Variants in AKAIN1 observed in about 807,000 individuals in gnomAD.
The protein encoded by AKAIN1 is A-kinase anchor inhibitor 1, also known as A-kinase anchor protein inhibitor 1.
Under a neutral mutation model 3.7 loss-of-function variants are expected in AKAIN1, and 3 were observed. The ratio of observed to expected loss-of-function variants is 0.82; its 90% CI spans 0.37 to 2.12. The LOEUF is 2.12. AKAIN1 is among the 30% of genes most tolerant of loss of function. The pLI, the probability that AKAIN1 is intolerant of heterozygous loss-of-function variation, is 0.06. For missense variants in AKAIN1, 82 were observed against 82.7 expected (o/e 0.99, Z 0.03); for synonymous variants, 31 against 30.8 (o/e 1.01, Z -0.02).
At chr18:5,189,767 T>TC (rs2071308997) in intron 1 of AKAIN1, among the ~76,000 whole-genome samples, 1 of 151,532 alleles carries the variant, frequency 6.6e-6, no homozygotes, top group African/African-American at 2.4e-5. Flanking sequence ...TTTTTTTTTT[T>TC]CTGAGCCCCC....
intron 1 of AKAIN1, among the ~76,000 whole-genome samples, chr18:5,176,413 C>T (rs1434661176): frequency 6.6e-6 from 1 of 151,930 alleles, no homozygotes; most frequent in Non-Finnish European, 1.5e-5. Context: ...GCACTCCAGT[C>T]TGGGTGACAG....
intron 1 of AKAIN1, among the ~76,000 whole-genome samples, chr18:5,186,836 G>C (rs60213423): frequency 0.031 from 4,714 of 152,068 alleles, 238 homozygotes; most frequent in African/African-American, 0.11. Context: ...ACAATTGCAA[G>C]TTTATTATCC....
In AKAIN1 at chr18:5,175,501, A is replaced by G. The variant is rs188290583; in HGVS notation, c.16+21537T>C. On this transcript the variant is annotated intron_variant, in intron 1 of 1. Coordinates refer to ENST00000434239, the MANE Select transcript of AKAIN1 (RefSeq NM_001145194.2). Reference sequence around the variant, plus strand: ...CCAACAACTTACACTGAAAACAGTGACATAGAAGGCAAGGGAATGGCAGAG... The same window carrying G: ...CCAACAACTTACACTGAAAACAGTGGCATAGAAGGCAAGGGAATGGCAGAG... Among the ~76,000 whole-genome samples, 158 of 152,282 alleles carry G rather than the reference A, an allele frequency of 1.0e-3. 1 individual carries two copies. Among genetic ancestry groups the G allele is most frequent in the African/African-American group, 3.7e-3 (152 of 41,568 alleles).
In AKAIN1 at chr18:5,143,722, GAC is replaced by G. The variant is rs2071033570; in HGVS notation, c.*1838_*1839del. On this transcript the variant is annotated 3_prime_UTR_variant, in exon 2 of 2. Coordinates refer to ENST00000434239, the MANE Select transcript of AKAIN1 (RefSeq NM_001145194.2). ...GTGTTTTATTTATAAATAACATTTAGACACAGAGGTCAATAAGATGTTCCAAA... is the reference window on the plus strand; with the variant it reads ...GTGTTTTATTTATAAATAACATTTAGACAGAGGTCAATAAGATGTTCCAAA... 6.6e-6 allele frequency among the ~76,000 whole-genome samples: 1 copy of G among 152,122 alleles called. No individual in the cohort carries two copies. Among genetic ancestry groups the G allele is most frequent in the African/African-American group, 2.4e-5 (1 of 41,432 alleles).
intron 1 of AKAIN1, among the ~76,000 whole-genome samples, chr18:5,171,534 G>A (rs749682355): frequency 6.6e-5 from 10 of 152,100 alleles, no homozygotes; most frequent in East Asian, 1.9e-4. Flanking sequence ...CAACAGATCC[G>A]AATAGACAGT....
At chr18:5,151,613 TGATACTGTC>T (rs2071080623) in intron 1 of AKAIN1, among the ~76,000 whole-genome samples, 1 of 152,170 alleles carries the variant, frequency 6.6e-6, no homozygotes, top group Admixed American at 6.5e-5. Context: ...CATATTTGAG[TGATACTGTC>T]TATTACCACC....
intron 1 of AKAIN1, among the ~76,000 whole-genome samples, chr18:5,175,043 G>T (rs2071218459): frequency 6.6e-6 from 1 of 152,138 alleles, no homozygotes; most frequent in African/African-American, 2.4e-5. Context: ...ACACTCAGAG[G>T]CACTCTGTGC....
intron 1 of AKAIN1, among the ~76,000 whole-genome samples, chr18:5,156,702 G>A (rs1310039258): frequency 6.6e-6 from 1 of 152,212 alleles, no homozygotes; most frequent in Non-Finnish European, 1.5e-5. Context: ...AGTTATGTGA[G>A]ACAGTGTATT....
At position 5,187,013 on chromosome 18, in the gene AKAIN1, C is replaced by T. The variant is rs183751110; in HGVS notation, c.16+10025G>A. ...ATGAATGAAAATGAAAATACAACAT[C>T]AAAATTTTTAGAATACTCTAAAGCA... is the stretch of plus-strand genomic sequence containing the variant. On this transcript the variant is annotated intron_variant, in intron 1 of 1. Transcript: ENST00000434239. 1.8e-3 allele frequency among the ~76,000 whole-genome samples: 273 copies of T among 152,108 alleles called. 1 individual carries two copies. Among genetic ancestry groups the T allele is most frequent in the African/African-American group, 6.3e-3 (262 of 41,536 alleles).
intron 1 of AKAIN1, among the ~76,000 whole-genome samples, chr18:5,162,778 C>T (rs1163600778): frequency 1.3e-5 from 2 of 151,730 alleles, no homozygotes; most frequent in African/African-American, 4.8e-5. Context: ...AAAGGGCTCA[C>T]TCAGCCCTGG....
At chr18:5,174,226 C>T (rs1173625458) in intron 1 of AKAIN1, among the ~76,000 whole-genome samples, 1 of 152,116 alleles carries the variant, frequency 6.6e-6, no homozygotes, top group Non-Finnish European at 1.5e-5. Flanking sequence ...CTCTTGAGGG[C>T]TGCCTCTCCC....
intron 1 of AKAIN1, among the ~76,000 whole-genome samples, chr18:5,191,419 A>T (rs1175084572): frequency 6.6e-6 from 1 of 152,180 alleles, no homozygotes; most frequent in Admixed American, 6.5e-5. Flanking sequence ...CCCAAAAGAT[A>T]CATTTAGGTA....
intron 1 of AKAIN1, among the ~76,000 whole-genome samples, chr18:5,190,444 T>C (rs1462721132): frequency 6.6e-6 from 1 of 152,104 alleles, no homozygotes; most frequent in Non-Finnish European, 1.5e-5. Flanking sequence ...TAAACCTATA[T>C]TTACTAAAAA....
chr18:5,185,175 C>G (rs1267535761), intron 1 of AKAIN1, among the ~76,000 whole-genome samples: 1 of 151,994 alleles, frequency 6.6e-6, no homozygotes, highest in Non-Finnish European at 1.5e-5. Flanking sequence ...CCTTTCCTTG[C>G]ATTATATAAA....
At chr18:5,197,503 T>TCAAAAAAAAAAA, upstream of AKAIN1, 3 of 285,076 alleles carry the variant, frequency 1.1e-5, no homozygotes, top group Non-Finnish European at 8.5e-6. The surrounding 1 kb of genome is among the most constrained non-coding windows in gnomAD (Gnocchi z 6.9). Context: ...GATAGATTTG[T>TCAAAAAAAAAAA]CAAAAAAAAA....
At chr18:5,186,347 T>C (rs1294195345) in intron 1 of AKAIN1, among the ~76,000 whole-genome samples, 4 of 151,958 alleles carry the variant, frequency 2.6e-5, no homozygotes, top group Admixed American at 1.3e-4. Flanking sequence ...TGTAACAAAC[T>C]TGAACATGTA....
At chr18:5,153,294 G>A (rs2071089294) in intron 1 of AKAIN1, among the ~76,000 whole-genome samples, 1 of 150,816 alleles carries the variant, frequency 6.6e-6, no homozygotes, top group Admixed American at 6.6e-5. Context: ...TGCTTATTGA[G>A]TTATTTTGGC....
intron 1 of AKAIN1, among the ~76,000 whole-genome samples, chr18:5,188,433 C>T (rs2071299809): frequency 6.6e-6 from 1 of 152,074 alleles, no homozygotes; most frequent in African/African-American, 2.4e-5. Context: ...CTTCTTGGTA[C>T]AGCTGACACT....
At chr18:5,166,437 C>A (rs1157678391) in intron 1 of AKAIN1, among the ~76,000 whole-genome samples, 1 of 151,932 alleles carries the variant, frequency 6.6e-6, no homozygotes, top group Non-Finnish European at 1.5e-5. Context: ...TATCCCTCTC[C>A]CATATAGACA....
Sources: gnomAD v4.1 joint callset for allele counts (sites outside exome capture counted in the v4.1 genomes callset) on GRCh38, gnomAD v4.1.1 for gene constraint, Gnocchi (gnomAD v3.1) non-coding constraint, MANE v1.5 for transcripts, NCBI Gene and HGNC (gene_info 2026-07-23, HGNC 2026-07-21) for gene names.